Variants in ITGA2 observed in about 807,000 individuals in gnomAD.
ITGA2 encodes the protein integrin alpha-2.
In ITGA2, 101 loss-of-function variants were observed where a neutral mutation model predicts 146.3. The observed-to-expected ratio is 0.69, with a 90% CI of 0.59 to 0.81. The LOEUF (loss-of-function observed/expected upper bound fraction) is 0.81. Ranked by LOEUF, ITGA2 falls within the 40% of genes least tolerant of loss-of-function variation. The pLI, the probability that ITGA2 is intolerant of heterozygous loss-of-function variation, is 0.00. For synonymous variants in ITGA2, 477 were observed against 487.1 expected, an observed-to-expected ratio of 0.98 and a Z score of 0.27; for missense variants, 1,281 against 1,402.7, an observed-to-expected ratio of 0.91 and a Z score of 1.39.
chr5:53,042,266 C>G (rs766591174), intron 3 of ITGA2, 45 bp downstream of exon 3: 1 of 1,151,126 alleles, frequency 8.7e-7, no homozygotes. Context: ...GTCTTAGACT[C>G]AACTGAAAAA....
At chr5:53,025,429 C>T (rs1228561975) in intron 1 of ITGA2, among the ~76,000 whole-genome samples, 1 of 152,158 alleles carries the variant, frequency 6.6e-6, no homozygotes, top group Admixed American at 6.5e-5. Context: ...TTCATGGCAG[C>T]ACATTATTTG....
intron 1 of ITGA2, among the ~76,000 whole-genome samples, chr5:53,020,486 C>T (rs145231795): frequency 0.018 from 2,805 of 152,186 alleles, 36 homozygotes; most frequent in Non-Finnish European, 0.03. Flanking sequence ...GAGTCAAATG[C>T]AACCCAATGG....
At chr5:52,998,054 C>T (rs1741362802) in intron 1 of ITGA2, among the ~76,000 whole-genome samples, 1 of 151,936 alleles carries the variant, frequency 6.6e-6, no homozygotes, top group Admixed American at 6.6e-5. Context: ...TTAAGAAATG[C>T]CTTTATTATT....
chr5:52,994,337 C>T (rs1741121123), intron 1 of ITGA2, among the ~76,000 whole-genome samples: 2 of 152,118 alleles, frequency 1.3e-5, no homozygotes, highest in Admixed American at 1.3e-4. Context: ...TCCTTTCTAG[C>T]AGAAGTCCAT....
chr5:53,087,624 T>TTA (rs1554025070), intron 28 of ITGA2, among the ~76,000 whole-genome samples: 27 of 118,154 alleles, frequency 2.3e-4, no homozygotes, highest in Middle Eastern at 9.1e-3. Context: ...GTCCCCTTGA[T>TTA]AAAAAAAAAA....
chr5:53,049,784 T>A (rs905491264), intron 6 of ITGA2, among the ~76,000 whole-genome samples: 16 of 152,172 alleles, frequency 1.1e-4, no homozygotes, highest in African/African-American at 3.9e-4. Context: ...CCCGGACCAG[T>A]TCACTGTTAC....
intron 1 of ITGA2, among the ~76,000 whole-genome samples, chr5:52,995,087 A>G (rs1741170293): frequency 6.6e-6 from 1 of 152,226 alleles, no homozygotes; most frequent in African/African-American, 2.4e-5. Context: ...AGGTTCTTGA[A>G]TAGAATACTG....
intron 6 of ITGA2, 138 bp downstream of exon 6, chr5:53,048,908 A>G (rs973081309): frequency 3.2e-6 from 3 of 933,090 alleles, no homozygotes; most frequent in African/African-American, 3.3e-5. Flanking sequence ...AGTTAATTGA[A>G]ACTTTTACTA....
At chr5:53,076,616 G>C (rs1368012754) in intron 23 of ITGA2, among the ~76,000 whole-genome samples, 2 of 151,914 alleles carry the variant, frequency 1.3e-5, no homozygotes, top group Non-Finnish European at 2.9e-5. Context: ...TCTTATATTT[G>C]ATCCTTTCTT....
At chr5:53,044,853 C>G in intron 3 of ITGA2, 148 bp from the exon 4 acceptor site, 1 of 672,916 alleles carries the variant, frequency 1.5e-6, no homozygotes, top group South Asian at 1.7e-5. Flanking sequence ...TCGCGTTTCC[C>G]CACACTTCAT....
Position 53,073,271 on chromosome 5 carries a change from GA to G in ITGA2, c.2571+13del. On this transcript the variant is annotated intron_variant, in intron 20 of 29. Coordinates refer to ENST00000296585, the MANE Select transcript of ITGA2 (RefSeq NM_002203.4). ...CATTCTCCCTGCCGGTATGTGATGAGACCCTGTACTTACTTCCACCATGCTT... is the reference window on the plus strand; with the variant it reads ...CATTCTCCCTGCCGGTATGTGATGAGCCCTGTACTTACTTCCACCATGCTT... 1 of 1,611,766 alleles carries G rather than the reference GA, an allele frequency of 6.2e-7. No homozygotes were observed. Among genetic ancestry groups the G allele is most frequent in the East Asian group, 2.2e-5 (1 of 44,782 alleles).
At chr5:53,058,166 C>T in intron 10 of ITGA2, 65 bp downstream of exon 10, 1 of 1,194,470 alleles carries the variant, frequency 8.4e-7, no homozygotes, top group South Asian at 1.2e-5. Context: ...ACACAGTAGC[C>T]TTATACATAA....
At chr5:52,996,031 A>G (rs1334439961) in intron 1 of ITGA2, among the ~76,000 whole-genome samples, 1 of 152,208 alleles carries the variant, frequency 6.6e-6, no homozygotes, top group East Asian at 1.9e-4. Flanking sequence ...AGGGCAGTCT[A>G]CATGGAGTGA....
rs1339473747 is a variant in ITGA2, at chr5:53,065,801, T to G, written c.1807-40T>G. On this transcript the variant is annotated intron_variant, in intron 14 of 29. Transcript: ENST00000296585. ...AGAGGCTGCCATTTTCTGGTTCAGC[T>G]GTTGTGTACTATAATTTCGTGTCAA... The G allele has an allele frequency of 3.1e-6, 5 of 1,611,012 alleles. No homozygotes were observed. The Admixed American group carries it at 8.4e-5, about 27-fold the overall frequency.
intron 27 of ITGA2, among the ~76,000 whole-genome samples, chr5:53,084,095 C>T (rs903765710): frequency 1.3e-5 from 2 of 152,134 alleles, no homozygotes; most frequent in Non-Finnish European, 2.9e-5. Flanking sequence ...TGAGTCTGCT[C>T]TAGTTATATT....
chr5:53,055,450 T>G, intron 7 of ITGA2, 88 bp from the exon 8 acceptor site: 1 of 1,154,140 alleles, frequency 8.7e-7, no homozygotes, highest in East Asian at 2.4e-5. Context: ...TTAAAGAAGC[T>G]AGTTTCATGT....
intron 1 of ITGA2, among the ~76,000 whole-genome samples, chr5:52,993,694 T>G (rs1741085465): frequency 6.6e-6 from 1 of 152,166 alleles, no homozygotes; most frequent in South Asian, 2.1e-4. Context: ...ATTTTAGACA[T>G]TCAGCAAAAT....
At chr5:53,066,313 G>A (rs1299512869) in intron 15 of ITGA2, among the ~76,000 whole-genome samples, 1 of 151,840 alleles carries the variant, frequency 6.6e-6, no homozygotes, top group African/African-American at 2.4e-5. Context: ...CCTCATGAGA[G>A]TGCATTCAAA....
intron 25 of ITGA2, among the ~76,000 whole-genome samples, chr5:53,081,007 C>T (rs575783589): frequency 1.3e-5 from 2 of 152,102 alleles, no homozygotes; most frequent in South Asian, 2.1e-4. Flanking sequence ...AATACTCAAC[C>T]CTGGCTGTTC....
Sources: gnomAD v4.1 joint callset for allele counts (sites outside exome capture counted in the v4.1 genomes callset) on GRCh38, gnomAD v4.1.1 for gene constraint, MANE v1.5 for transcripts, NCBI Gene and HGNC (gene_info 2026-07-23, HGNC 2026-07-21) for gene names.